The following BMPR1B variants were observed in gnomAD, a reference collection of about 807,000 sequenced individuals.
The protein encoded by BMPR1B is bone morphogenetic protein receptor type-1B.
In BMPR1B, 12 loss-of-function variants were observed where a neutral mutation model predicts 59.1. The observed-to-expected ratio is 0.20, with a 90% CI of 0.13 to 0.33. The LOEUF (loss-of-function observed/expected upper bound fraction) is 0.33. Among genes scored for constraint, BMPR1B ranks in the 10% least tolerant of loss-of-function variants. The probability of loss-of-function intolerance (pLI) is 1.00; values close to 1 mark genes in which losing one functional copy is unlikely to be tolerated. For synonymous variants in BMPR1B, 237 were observed against 207.3 expected (o/e 1.14, Z -1.23); for missense variants, 550 against 610.9 (o/e 0.90, Z 1.05).
intron 2 of BMPR1B, among the ~76,000 whole-genome samples, chr4:94,877,117 C>T (rs1203685428): frequency 6.6e-6 from 1 of 152,062 alleles, no homozygotes; most frequent in Non-Finnish European, 1.5e-5. Flanking sequence ...TTCAGTTGGG[C>T]CACATATTAT....
intron 2 of BMPR1B, among the ~76,000 whole-genome samples, chr4:94,899,152 CTCT>C (rs1457664833): frequency 6.6e-6 from 1 of 151,940 alleles, no homozygotes; most frequent in Admixed American, 6.6e-5. Context: ...ACATTACCTT[CTCT>C]TCTTCTGTGT....
intron 1 of BMPR1B, among the ~76,000 whole-genome samples, chr4:94,863,235 T>A (rs1453237673): frequency 1.3e-5 from 2 of 152,164 alleles, no homozygotes; most frequent in East Asian, 3.9e-4. Flanking sequence ...CTACCTATGC[T>A]TATTACCTGG....
chr4:95,108,708 A>G (rs1322774950), intron 4 of BMPR1B, among the ~76,000 whole-genome samples: 1 of 152,100 alleles, frequency 6.6e-6, no homozygotes, highest in Non-Finnish European at 1.5e-5. Context: ...TGTAGTACAA[A>G]CATAGTGTGA....
intron 1 of BMPR1B, among the ~76,000 whole-genome samples, chr4:94,822,318 G>T (rs1009668921): frequency 6.6e-6 from 1 of 152,166 alleles, no homozygotes. Flanking sequence ...TAGACATTCA[G>T]ACCATGACAT....
chr4:95,095,816 A>AT (rs981253294), intron 3 of BMPR1B, among the ~76,000 whole-genome samples: 18 of 151,890 alleles, frequency 1.2e-4, no homozygotes, highest in Non-Finnish European at 2.2e-4. Flanking sequence ...GTGGCAGTGG[A>AT]TTTTGATACC....
intron 1 of BMPR1B, among the ~76,000 whole-genome samples, chr4:94,763,574 A>G (rs1721859582): frequency 6.6e-6 from 1 of 152,252 alleles, no homozygotes; most frequent in Non-Finnish European, 1.5e-5. Flanking sequence ...AAGGAAAAAA[A>G]AGATACAATC....
intron 10 of BMPR1B, among the ~76,000 whole-genome samples, chr4:95,141,541 C>T (rs988380267): frequency 6.6e-6 from 1 of 152,200 alleles, no homozygotes; most frequent in African/African-American, 2.4e-5. Context: ...TTCATGCATT[C>T]TCTTGACAGT....
At position 94,797,146 on chromosome 4, in the gene BMPR1B, A is replaced by G. The variant is rs576979870; in HGVS notation, c.-183+39078A>G. ...GCAAGACCGAATTAGGACGAAGCAA[A>G]AGGGGAAACCCCTGATAAACCCATC... On this transcript the variant is annotated intron_variant, in intron 1 of 12. Transcript: ENST00000515059. Among the ~76,000 whole-genome samples, 237 of 152,316 alleles carry G rather than the reference A, an allele frequency of 1.6e-3. 1 individual carries two copies. Among genetic ancestry groups the G allele is most frequent in the African/African-American group, 5.6e-3 (233 of 41,566 alleles).
Position 94,829,902 on chromosome 4 carries a change from G to A in BMPR1B, c.-182-45929G>A, listed in dbSNP as rs116619864. ...TTTCTAAATTTGGGAAGGATAAACAGTAGCTTGGAAGCTTCTCTTTGAGCA... is the reference window on the plus strand; with the variant it reads ...TTTCTAAATTTGGGAAGGATAAACAATAGCTTGGAAGCTTCTCTTTGAGCA... On this transcript the variant is annotated intron_variant, in intron 1 of 12. Coordinates refer to ENST00000515059, the MANE Select transcript of BMPR1B (RefSeq NM_001203.3). Among the ~76,000 whole-genome samples, 1,402 of 152,296 alleles carry A rather than the reference G, an allele frequency of 9.2e-3. 17 individuals carry two copies. The highest frequency in any genetic ancestry group is 0.032 in the African/African-American group (1,342 of 41,556).
chr4:94,947,436 T>C (rs983951546), intron 2 of BMPR1B, among the ~76,000 whole-genome samples: 5 of 152,158 alleles, frequency 3.3e-5, no homozygotes, highest in Admixed American at 6.5e-5. Flanking sequence ...TAGCCCATCT[T>C]AAAAAAATAG....
intron 1 of BMPR1B, among the ~76,000 whole-genome samples, chr4:94,818,554 A>G (rs1724093357): frequency 6.6e-6 from 1 of 152,242 alleles, no homozygotes; most frequent in Non-Finnish European, 1.5e-5. Flanking sequence ...AGATTAAAGC[A>G]GTGACCAGAA....
At chr4:95,018,645 A>G (rs1399675611) in intron 3 of BMPR1B, among the ~76,000 whole-genome samples, 1 of 152,100 alleles carries the variant, frequency 6.6e-6, no homozygotes, top group Non-Finnish European at 1.5e-5. Flanking sequence ...GAATTATATG[A>G]GCTTTTTGTG....
At chr4:95,051,389 G>C (rs141772881) in intron 3 of BMPR1B, among the ~76,000 whole-genome samples, 1 of 152,146 alleles carries the variant, frequency 6.6e-6, no homozygotes, top group Non-Finnish European at 1.5e-5. Context: ...TATTGCCAGC[G>C]CAGAGTGAAG....
At chr4:95,104,904 G>A (rs1342428958) in intron 4 of BMPR1B, among the ~76,000 whole-genome samples, 2 of 142,826 alleles carry the variant, frequency 1.4e-5, no homozygotes, top group Admixed American at 1.4e-4. Context: ...TCAAATGCGT[G>A]TGATTTTGTT....
chr4:94,852,574 A>T (rs1171164263), intron 1 of BMPR1B, among the ~76,000 whole-genome samples: 2 of 152,040 alleles, frequency 1.3e-5, no homozygotes, highest in African/African-American at 4.8e-5. Context: ...GTCCTTGCCC[A>T]TTCATTATGG....
intron 3 of BMPR1B, among the ~76,000 whole-genome samples, chr4:95,061,457 A>G (rs189495726): frequency 2.3e-4 from 35 of 152,268 alleles, no homozygotes; most frequent in Non-Finnish European, 3.7e-4. Flanking sequence ...TGTGTGTGGG[A>G]TGATGGAGCT....
At chr4:95,009,918 G>T (rs1284371386) in intron 3 of BMPR1B, among the ~76,000 whole-genome samples, 1 of 152,182 alleles carries the variant, frequency 6.6e-6, no homozygotes, top group Non-Finnish European at 1.5e-5. Flanking sequence ...CTGAAGTTGA[G>T]AATCTAGCCA....
At chr4:94,987,491 A>T (rs183700885) in intron 2 of BMPR1B, among the ~76,000 whole-genome samples, 5 of 152,110 alleles carry the variant, frequency 3.3e-5, no homozygotes, top group East Asian at 3.9e-4. Context: ...AGTCAGTTTA[A>T]ACTTGGTAGA....
At chr4:94,777,192 C>T (rs1474241307) in intron 1 of BMPR1B, among the ~76,000 whole-genome samples, 1 of 151,848 alleles carries the variant, frequency 6.6e-6, no homozygotes, top group East Asian at 1.9e-4. Flanking sequence ...ACAATTCTAC[C>T]AGCAGAGTAT....
Sources: gnomAD v4.1 joint callset for allele counts (sites outside exome capture counted in the v4.1 genomes callset) on GRCh38, gnomAD v4.1.1 for gene constraint, MANE v1.5 for transcripts, NCBI Gene and HGNC (gene_info 2026-07-23, HGNC 2026-07-21) for gene names.